Variants in HRH1 observed in about 807,000 individuals in gnomAD.
HRH1 encodes histamine H1 receptor.
In HRH1, 6 loss-of-function variants were observed where a neutral mutation model predicts 10.3. The observed-to-expected ratio is 0.58, with a 90% CI of 0.32 to 1.15. HRH1 has a LOEUF of 1.15. Ranked by LOEUF, HRH1 falls within the 50% of genes most tolerant of loss-of-function variation. HRH1 has a pLI of 0.05. For missense variants in HRH1, 514 were observed against 615.3 expected (o/e 0.84, Z 1.74); for synonymous variants, 242 against 236.7 (o/e 1.02, Z -0.21).
intron 1 of HRH1, among the ~76,000 whole-genome samples, chr3:11,192,669 C>T (rs1937567261): frequency 1.3e-5 from 2 of 152,046 alleles, no homozygotes; most frequent in South Asian, 4.2e-4. Flanking sequence ...TCACTTGAGC[C>T]CAGGTGTTTG....
chr3:11,237,391 G>C (rs1006500171), intron 1 of HRH1, among the ~76,000 whole-genome samples: 1 of 152,104 alleles, frequency 6.6e-6, no homozygotes, highest in Non-Finnish European at 1.5e-5. Context: ...AAGTTCACTG[G>C]AAGGTCTTAG....
At chr3:11,218,999 TC>T (rs1238279020) in intron 1 of HRH1, among the ~76,000 whole-genome samples, 1 of 152,156 alleles carries the variant, frequency 6.6e-6, no homozygotes, top group African/African-American at 2.4e-5. Flanking sequence ...CAAGCAATTT[TC>T]CTGCCTCAGC....
chr3:11,204,666 AAC>A (rs1398581685), intron 1 of HRH1, among the ~76,000 whole-genome samples: 1 of 152,232 alleles, frequency 6.6e-6, no homozygotes, highest in African/African-American at 2.4e-5. Flanking sequence ...ACCAGGTGCT[AAC>A]ACACACGCGA....
At chr3:11,173,471 C>T (rs1052796283) in intron 1 of HRH1, among the ~76,000 whole-genome samples, 4 of 151,840 alleles carry the variant, frequency 2.6e-5, no homozygotes, top group African/African-American at 4.8e-5. Flanking sequence ...GGCATGATCT[C>T]GGCTCACTGC....
At chr3:11,155,221 G>A (rs1237563732) in intron 1 of HRH1, among the ~76,000 whole-genome samples, 1 of 152,150 alleles carries the variant, frequency 6.6e-6, no homozygotes, top group African/African-American at 2.4e-5. Flanking sequence ...GCTGCAGCTG[G>A]GGGTGTGGAG....
intron 1 of HRH1, among the ~76,000 whole-genome samples, chr3:11,242,620 C>T (rs1350809339): frequency 6.6e-6 from 1 of 151,782 alleles, no homozygotes; most frequent in East Asian, 1.9e-4. Flanking sequence ...ACATTTAGTT[C>T]CCAAATGCCA....
rs767682110 is a variant in HRH1, at chr3:11,260,102, C to T, written c.1065C>T (p.Ser355=). 4.3e-6 allele frequency: 7 copies of T among 1,614,052 alleles called. No homozygotes were observed. The Admixed American group carries it at 1.0e-4, about 23-fold the overall frequency. ...CAGAGGATCAGATGTTAGGTGATAG[C>T]CAATCCTTCTCTCGAACGGACTCAG... ...EISEDQMLGD[S]QSFSRTDSDT... The change falls in exon 2 of 2, where the codon AGC becomes AGT. Residue 355 remains serine (S), a synonymous_variant. Coordinates refer to ENST00000431010, the MANE Select transcript of HRH1 (RefSeq NM_001098212.2).
chr3:11,143,014 C>A (rs1936323955), intron 1 of HRH1, among the ~76,000 whole-genome samples: 1 of 151,984 alleles, frequency 6.6e-6, no homozygotes, highest in South Asian at 2.1e-4. Flanking sequence ...GGCCCCAAGA[C>A]AGGACAAAAG....
At chr3:11,216,566 C>T (rs759769637) in intron 1 of HRH1, among the ~76,000 whole-genome samples, 2 of 152,164 alleles carry the variant, frequency 1.3e-5, no homozygotes, top group Admixed American at 6.5e-5. Context: ...AGGTCCCTGG[C>T]GTACTCAAAC....
chr3:11,153,287 G>A (rs993814527), upstream of HRH1, among the ~76,000 whole-genome samples: 1 of 152,168 alleles, frequency 6.6e-6, no homozygotes, highest in Admixed American at 6.5e-5. Flanking sequence ...GTAAGCATCT[G>A]TAGCACTTAG....
At chr3:11,200,825 G>T (rs375567248) in intron 1 of HRH1, among the ~76,000 whole-genome samples, 1 of 152,218 alleles carries the variant, frequency 6.6e-6, no homozygotes. Context: ...CCTTCATCTG[G>T]GAAATGGGAA....
intron 1 of HRH1, among the ~76,000 whole-genome samples, chr3:11,190,995 C>T (rs1001610709): frequency 6.6e-6 from 1 of 152,150 alleles, no homozygotes; most frequent in African/African-American, 2.4e-5. Flanking sequence ...CCAACCATCA[C>T]GTGGAAGGAA....
At chr3:11,159,305 G>C (rs1035893220) in intron 1 of HRH1, among the ~76,000 whole-genome samples, 1 of 152,190 alleles carries the variant, frequency 6.6e-6, no homozygotes, top group African/African-American at 2.4e-5. Context: ...TTATGGAAGA[G>C]CTGTCCACAT....
intron 1 of HRH1, among the ~76,000 whole-genome samples, chr3:11,250,997 G>T (rs764232188): frequency 6.6e-6 from 1 of 152,168 alleles, no homozygotes; most frequent in Non-Finnish European, 1.5e-5. Context: ...AATACCTCTC[G>T]CATGAAGGGC....
intron 1 of HRH1, among the ~76,000 whole-genome samples, chr3:11,190,384 T>A (rs997564474): frequency 9.7e-4 from 146 of 151,194 alleles, no homozygotes; most frequent in African/African-American, 2.4e-3. Context: ...TTAATTAATT[T>A]ATTTATTTAT....
chr3:11,203,630 A>T (rs1340776889), intron 1 of HRH1, among the ~76,000 whole-genome samples: 1 of 152,156 alleles, frequency 6.6e-6, no homozygotes, highest in Non-Finnish European at 1.5e-5. Context: ...CATTGTATTG[A>T]CTTTGCCCTT....
chr3:11,146,914 C>T (rs1173771391), intron 1 of HRH1, among the ~76,000 whole-genome samples: 2 of 152,202 alleles, frequency 1.3e-5, no homozygotes, highest in African/African-American at 2.4e-5. Flanking sequence ...CAGCAGTGAC[C>T]TGTGTGGATG....
rs529167732 is a variant in HRH1 at position 11,178,834 on chromosome 3, G to A, written c.-36+24280G>A. 3.3e-5 allele frequency among the ~76,000 whole-genome samples: 5 copies of A among 152,174 alleles called. No homozygotes were observed. The East Asian group carries it at 5.8e-4, about 18-fold the overall frequency. On this transcript the variant is annotated intron_variant, in intron 1 of 1. Coordinates refer to ENST00000431010, the MANE Select transcript of HRH1 (RefSeq NM_001098212.2). ...GCGTCTGGGAAACCTGAGCTAAGAC[G>A]GTGACTTGGGTAAATCACTTCACCT...
intron 1 of HRH1, among the ~76,000 whole-genome samples, chr3:11,144,469 A>AGACGTATAGACATACGTC (rs1936379331): frequency 6.7e-6 from 1 of 149,834 alleles, no homozygotes; most frequent in African/African-American, 2.4e-5. Context: ...ATATATACAT[A>AGACGTATAGACATACGTC]TAGACATATA....
Sources: gnomAD v4.1 joint callset for allele counts (sites outside exome capture counted in the v4.1 genomes callset) on GRCh38, gnomAD v4.1.1 for gene constraint, MANE v1.5 for transcripts, NCBI Gene and HGNC (gene_info 2026-07-23, HGNC 2026-07-21) for gene names.